IMMT: variants seen among roughly 807,000 people sequenced by gnomAD.
IMMT encodes inner membrane mitochondrial protein.
Under a neutral mutation model 92.7 loss-of-function variants are expected in IMMT, and 40 were observed. The ratio of observed to expected loss-of-function variants is 0.43; its 90% CI spans 0.34 to 0.56. IMMT has a LOEUF of 0.56. Among genes scored for constraint, IMMT ranks in the 20% least tolerant of loss-of-function variants. The probability of loss-of-function intolerance (pLI) is 0.03; values close to 1 mark genes in which losing one functional copy is unlikely to be tolerated. For missense variants in IMMT, 831 were observed against 912.1 expected (o/e 0.91, Z 1.14); for synonymous variants, 322 against 336.1 (o/e 0.96, Z 0.46).
chr2:86,176,976 T>C (rs1192236611), intron 3 of IMMT, among the ~76,000 whole-genome samples: 1 of 152,236 alleles, frequency 6.6e-6, no homozygotes, highest in Non-Finnish European at 1.5e-5. Flanking sequence ...AATATGGACA[T>C]TTTAAAGTCC....
intron 10 of IMMT, among the ~76,000 whole-genome samples, chr2:86,157,368 T>C (rs1558817503): frequency 6.6e-6 from 1 of 152,228 alleles, no homozygotes; most frequent in Non-Finnish European, 1.5e-5. Flanking sequence ...TATAAATCCC[T>C]GCACTGGTAT....
intron 13 of IMMT, 136 bp downstream of exon 13, chr2:86,147,566 G>T: frequency 1.4e-6 from 1 of 713,980 alleles, no homozygotes; most frequent in East Asian, 2.9e-5. Flanking sequence ...ACACCATTAT[G>T]TAAAAAGAAG....
At chr2:86,183,046 T>C (rs977285421) in intron 1 of IMMT, among the ~76,000 whole-genome samples, 78 of 152,224 alleles carry the variant, frequency 5.1e-4, no homozygotes, top group African/African-American at 1.8e-3. Context: ...TATTTTTATA[T>C]GTCAACAATT....
intron 10 of IMMT, among the ~76,000 whole-genome samples, chr2:86,157,804 GAAAA>G (rs113355266): frequency 1.8e-5 from 2 of 111,842 alleles, no homozygotes; most frequent in African/African-American, 3.2e-5. Context: ...AAAAAAAAAA[GAAAA>G]AAAAAAAAAG....
Position 86,161,917 on chromosome 2 carries a change from CG to C in IMMT, c.896+58del. On this transcript the variant is annotated intron_variant, in intron 8 of 14. Transcript: ENST00000410111. ...CTATACAGACAATACAAAGAAAACC[CG>C]GCCCAAAGAAAGCCACCAGGAGGCC... is the stretch of plus-strand genomic sequence containing the variant. The C allele has an allele frequency of 2.8e-6, 3 of 1,076,966 alleles. No individual in the cohort carries two copies. The South Asian group carries it at 4.0e-5, about 14-fold the overall frequency. The allele number at this position is 1,076,966 out of a possible 1,614,324, so 66.7% of individuals were successfully genotyped here.
chr2:86,166,226 G>A (rs537848459), intron 7 of IMMT, among the ~76,000 whole-genome samples: 1 of 152,168 alleles, frequency 6.6e-6, no homozygotes. Flanking sequence ...AGCTACTCGG[G>A]AGGCTGAGGC....
chr2:86,173,243 T>C (rs1213323296), intron 4 of IMMT, among the ~76,000 whole-genome samples: 2 of 152,178 alleles, frequency 1.3e-5, no homozygotes, highest in Non-Finnish European at 1.5e-5. Flanking sequence ...CTGCAGGGAC[T>C]AGAGCAAGAC....
intron 13 of IMMT, among the ~76,000 whole-genome samples, chr2:86,147,262 T>G (rs572318920): frequency 2.6e-5 from 4 of 152,334 alleles, no homozygotes; most frequent in Non-Finnish European, 5.9e-5. Context: ...AAAACCTCAA[T>G]ATCTTCTTGC....
At chr2:86,191,747 C>CAAAAAAAAAAAAAAAAAAAA (rs572412565) in intron 1 of IMMT, among the ~76,000 whole-genome samples, 1 of 116,874 alleles carries the variant, frequency 8.6e-6, no homozygotes. Context: ...ACTAAAAATA[C>CAAAAAAAAAAAAAAAAAAAA]AAAAAAAAAA....
chr2:86,167,401 C>G (rs566820100), intron 6 of IMMT, among the ~76,000 whole-genome samples: 1 of 151,444 alleles, frequency 6.6e-6, no homozygotes, highest in Non-Finnish European at 1.5e-5. Context: ...TCTCCATCTA[C>G]TGACCCCATG....
At chr2:86,192,715 A>AAG (rs1208301908) in intron 1 of IMMT, among the ~76,000 whole-genome samples, 1 of 152,158 alleles carries the variant, frequency 6.6e-6, no homozygotes, top group Non-Finnish European at 1.5e-5. Context: ...CAAGGAAGGC[A>AAG]AGAGTAGTCA....
At chr2:86,192,439 C>G (rs1673196236) in intron 1 of IMMT, among the ~76,000 whole-genome samples, 2 of 151,696 alleles carry the variant, frequency 1.3e-5, no homozygotes, top group African/African-American at 4.9e-5. Flanking sequence ...GAGACCCCAT[C>G]TCTAAAAAAT....
At chr2:86,171,442 G>A in intron 4 of IMMT, 97 bp from the exon 5 acceptor site, 1 of 1,096,746 alleles carries the variant, frequency 9.1e-7, no homozygotes, top group South Asian at 1.3e-5. Flanking sequence ...CTTCACATCT[G>A]ACTCCTTAGA....
chr2:86,156,967 AG>A (rs1675900198), intron 10 of IMMT, among the ~76,000 whole-genome samples: 1 of 152,216 alleles, frequency 6.6e-6, no homozygotes, highest in Non-Finnish European at 1.5e-5. Context: ...GAATATAATC[AG>A]GGAAAGTCTC....
At chr2:86,148,751 C>A (rs1159824089) in intron 12 of IMMT, among the ~76,000 whole-genome samples, 1 of 152,052 alleles carries the variant, frequency 6.6e-6, no homozygotes, top group East Asian at 1.9e-4. Flanking sequence ...AAAAAATATA[C>A]CTTGCCTAAC....
intron 8 of IMMT, 172 bp downstream of exon 8, chr2:86,161,804 G>A (rs543754957): frequency 1.9e-5 from 10 of 530,328 alleles, no homozygotes; most frequent in East Asian, 1.2e-4. Flanking sequence ...GTGAGCCACC[G>A]TGCCCGGCCT....
Position 86,173,588 on chromosome 2 carries a change from A to G in IMMT, c.421+62T>C, listed in dbSNP as rs1313567807. The G allele has an allele frequency of 4.9e-6, 5 of 1,012,310 alleles. No homozygotes were observed. In the African/African-American group the frequency reaches 6.4e-5, roughly 13 times the overall value. The allele number at this position is 1,012,310 out of a possible 1,614,324, so 62.7% of individuals were successfully genotyped here. ...AGAGCGAAACTCCATCTCAAAAAAAAAAAAAGAATTGGTGAAGAGATTTAC... is the reference window on the plus strand; with the variant it reads ...AGAGCGAAACTCCATCTCAAAAAAAGAAAAAGAATTGGTGAAGAGATTTAC... On this transcript the variant is annotated intron_variant, in intron 4 of 14. Transcript: ENST00000410111.
intron 7 of IMMT, 56 bp from the exon 8 acceptor site, chr2:86,162,135 G>T: frequency 4.6e-6 from 5 of 1,086,848 alleles, no homozygotes; most frequent in South Asian, 1.5e-5. Flanking sequence ...TCATATGATA[G>T]GCCAACAAGA....
chr2:86,178,354 A>ATGGTATC (rs1221123203), intron 3 of IMMT, among the ~76,000 whole-genome samples: 1 of 147,080 alleles, frequency 6.8e-6, no homozygotes, highest in East Asian at 2.0e-4. Context: ...CTGGCCAGGC[A>ATGGTATC]TGGTATCTCA....
Sources: allele counts gnomAD v4.1 joint callset (sites outside exome capture counted in the v4.1 genomes callset), GRCh38; gene constraint gnomAD v4.1.1; transcripts MANE v1.5; gene names NCBI Gene and HGNC (gene_info 2026-07-23, HGNC 2026-07-21).